Variants in DGKB observed in about 807,000 individuals in gnomAD.
DGKB encodes 90 kDa diacylglycerol kinase.
DGKB carries 67 observed loss-of-function variants against 114.3 expected under a neutral mutation model. That is an observed-to-expected ratio of 0.59 (90% CI 0.48 to 0.72). The LOEUF (loss-of-function observed/expected upper bound fraction) is 0.72, where lower values mean the gene tolerates loss of function less well. Among genes scored for constraint, DGKB ranks in the 30% least tolerant of loss-of-function variants. DGKB has a pLI of 0.00. For missense variants in DGKB, 907 were observed against 975.2 expected (o/e 0.93, Z 0.93); for synonymous variants, 398 against 323.1 (o/e 1.23, Z -2.49).
intron 23 of DGKB, among the ~76,000 whole-genome samples, chr7:14,318,935 C>T (rs1807176858): frequency 1.3e-5 from 2 of 152,096 alleles, no homozygotes; most frequent in South Asian, 4.1e-4. Flanking sequence ...GGCACATATA[C>T]ACCATGGAAT....
rs147811400 is a variant in DGKB at position 14,807,226 on chromosome 7, A to G, written c.70+33968T>C. Among the ~76,000 whole-genome samples, 13 of 152,090 alleles carry G rather than the reference A, an allele frequency of 8.5e-5. No homozygotes were observed. In the East Asian group the frequency reaches 2.5e-3, roughly 29 times the overall value. ...TAACTGCAGGAGTTCTACCTCACAC[A>G]TATAATTGTCTGGTCTTTCCTCTGT... is the stretch of plus-strand genomic sequence containing the variant. On this transcript the variant is annotated intron_variant, in intron 2 of 25. Transcript: ENST00000402815.
intron 23 of DGKB, among the ~76,000 whole-genome samples, chr7:14,232,323 AG>A (rs1235175254): frequency 4.0e-5 from 6 of 151,702 alleles, no homozygotes; most frequent in Admixed American, 3.3e-4. Flanking sequence ...TTTAGGCAAA[AG>A]GCTGCCCTGC....
chr7:14,314,759 T>G (rs2128515494), intron 23 of DGKB, among the ~76,000 whole-genome samples: 1 of 151,444 alleles, frequency 6.6e-6, no homozygotes, highest in Non-Finnish European at 1.5e-5. Flanking sequence ...AGGCCAACGT[T>G]CAGATTCAGG....
chr7:14,633,715 C>T (rs949796531), intron 13 of DGKB, among the ~76,000 whole-genome samples: 4 of 151,568 alleles, frequency 2.6e-5, no homozygotes, highest in Admixed American at 1.3e-4. Flanking sequence ...AGAATTAATA[C>T]AGAAACTGTA....
intron 17 of DGKB, among the ~76,000 whole-genome samples, chr7:14,593,600 A>T (rs1040603795): frequency 4.0e-5 from 6 of 151,886 alleles, no homozygotes; most frequent in African/African-American, 1.2e-4. Flanking sequence ...TAAAATATAA[A>T]TTTTTTCTAT....
chr7:14,152,465 C>T (rs1782362379), intron 25 of DGKB, among the ~76,000 whole-genome samples: 1 of 152,012 alleles, frequency 6.6e-6, no homozygotes, highest in Non-Finnish European at 1.5e-5. Flanking sequence ...GCATTGCTTA[C>T]AACATGCAAG....
intron 2 of DGKB, among the ~76,000 whole-genome samples, chr7:14,774,726 A>T (rs929927608): frequency 6.6e-6 from 1 of 152,208 alleles, no homozygotes; most frequent in African/African-American, 2.4e-5. Flanking sequence ...GAATTAAGTG[A>T]AATTGGCAGC....
chr7:14,943,170 T>C (rs1785668768), intron 1 of DGKB, among the ~76,000 whole-genome samples: 1 of 151,964 alleles, frequency 6.6e-6, no homozygotes, highest in Non-Finnish European at 1.5e-5. Flanking sequence ...ACTTGAGATA[T>C]ATTTAAACCT....
At chr7:14,638,811 GCAAGTGGATCAT>G (rs1236872570) in intron 13 of DGKB, among the ~76,000 whole-genome samples, 2 of 152,126 alleles carry the variant, frequency 1.3e-5, no homozygotes, top group African/African-American at 4.8e-5. Context: ...GGAGGCTGAG[GCAAGTGGATCAT>G]CTGAGGAGTT....
chr7:14,249,932 C>CA (rs1794985107), intron 23 of DGKB, among the ~76,000 whole-genome samples: 1 of 151,400 alleles, frequency 6.6e-6, no homozygotes, highest in Admixed American at 6.6e-5. Flanking sequence ...GTTGTTTATT[C>CA]AAAATCTTTT....
intron 1 of DGKB, among the ~76,000 whole-genome samples, chr7:14,948,278 G>C (rs111618071): frequency 6.6e-6 from 1 of 151,572 alleles, no homozygotes; most frequent in African/African-American, 2.4e-5. Flanking sequence ...CCTTGTCTTT[G>C]CACTGAATTT....
chr7:14,233,563 A>G (rs943709802), intron 23 of DGKB, among the ~76,000 whole-genome samples: 15 of 152,068 alleles, frequency 9.9e-5, no homozygotes, highest in African/African-American at 3.4e-4. Flanking sequence ...GAAGTGAATC[A>G]TTGAAGGAAG....
At chr7:14,897,011 G>A (rs558295145) in intron 1 of DGKB, among the ~76,000 whole-genome samples, 2 of 151,848 alleles carry the variant, frequency 1.3e-5, no homozygotes, top group South Asian at 2.1e-4. Context: ...AACTCATTCC[G>A]AGATTACTCT....
intron 25 of DGKB, among the ~76,000 whole-genome samples, chr7:14,169,306 A>C (rs1449454061): frequency 6.7e-6 from 1 of 149,032 alleles, no homozygotes; most frequent in African/African-American, 2.5e-5. Flanking sequence ...TGGAGATTGC[A>C]GTGAGCCGAG....
chr7:14,802,409 G>A (rs7784714), intron 2 of DGKB, among the ~76,000 whole-genome samples: 50,828 of 151,942 alleles, frequency 0.33, 10,961 homozygotes, highest in African/African-American at 0.61. Context: ...CCCACTAAAA[G>A]CTACTCAGCT....
At chr7:14,654,724 T>C (rs930001234) in intron 13 of DGKB, among the ~76,000 whole-genome samples, 7 of 151,904 alleles carry the variant, frequency 4.6e-5, no homozygotes, top group African/African-American at 1.7e-4. Flanking sequence ...AACAAATCTA[T>C]GTATTTTACA....
intron 20 of DGKB, among the ~76,000 whole-genome samples, chr7:14,527,143 G>C (rs372768560): frequency 2.2e-4 from 33 of 152,176 alleles, no homozygotes; most frequent in African/African-American, 7.2e-4. Context: ...TGGGTCACCA[G>C]GTCTTGCCTA....
In DGKB at chr7:14,970,573, A is replaced by T. The variant is rs763875358; in HGVS notation, c.-188+4123T>A. On this transcript the variant is annotated intron_variant, in intron 1 of 4. Coordinates refer to the DGKB transcript ENST00000437998. The stretch of plus-strand genomic sequence containing the variant: ...AATGAAGGAATAAATAAATAAATAA[A>T]CCAGAGGAGAAAAAAACACATAGCA... Among the ~76,000 whole-genome samples, 144 of 152,108 alleles carry T rather than the reference A, an allele frequency of 9.5e-4. 1 individual carries two copies. Among genetic ancestry groups the T allele is most frequent in the Admixed American group, 4.6e-4 (7 of 15,244 alleles).
At chr7:14,436,143 C>T (rs568461599) in intron 21 of DGKB, among the ~76,000 whole-genome samples, 118 of 152,200 alleles carry the variant, frequency 7.8e-4, no homozygotes, top group African/African-American at 2.7e-3. Flanking sequence ...AGATCTGCTG[C>T]ATAACATTGT....
Sources: gnomAD v4.1 joint callset for allele counts (sites outside exome capture counted in the v4.1 genomes callset) on GRCh38, gnomAD v4.1.1 for gene constraint, MANE v1.5 for transcripts, NCBI Gene and HGNC (gene_info 2026-07-23, HGNC 2026-07-21) for gene names.